The following CDH3 variants were observed in gnomAD, a reference collection of about 807,000 sequenced individuals.
CDH3 encodes cadherin-3.
In CDH3, 54 loss-of-function variants were observed where a neutral mutation model predicts 82.0. That is an observed-to-expected ratio of 0.66 (90% CI 0.53 to 0.83). The LOEUF is 0.83. Among genes scored for constraint, CDH3 ranks in the 40% least tolerant of loss-of-function variants. The pLI is 0.00. For missense variants in CDH3, 1,054 were observed against 1,084.6 expected (o/e 0.97, Z 0.40); for synonymous variants, 446 against 437.9 (o/e 1.02, Z -0.23).
chr16:68,720,284 G>T (rs1034177720), intron 1 of CDH3, among the ~76,000 whole-genome samples: 27 of 151,460 alleles, frequency 1.8e-4, no homozygotes, highest in Non-Finnish European at 7.4e-5. Context: ...AAAAGAGAAA[G>T]AAAGAGAGCG....
intron 2 of CDH3, among the ~76,000 whole-genome samples, chr16:68,653,965 C>T (rs1252392461): frequency 1.3e-5 from 2 of 151,984 alleles, no homozygotes; most frequent in South Asian, 2.1e-4. Context: ...GATCCACCCA[C>T]CTCGGCCTCC....
intron 2 of CDH3, among the ~76,000 whole-genome samples, chr16:68,667,614 A>G (rs1960771345): frequency 6.6e-6 from 1 of 152,168 alleles, no homozygotes. Flanking sequence ...CCAACCTAAA[A>G]GCAGGCCTGG....
At chr16:68,721,989 T>C (rs1465198172) in intron 1 of CDH3, among the ~76,000 whole-genome samples, 1 of 152,076 alleles carries the variant, frequency 6.6e-6, no homozygotes, top group African/African-American at 2.4e-5. Flanking sequence ...CTCAGGAGAC[T>C]GAGGCAGGAG....
At chr16:68,727,592 A>G (rs1229315642), downstream of CDH3, among the ~76,000 whole-genome samples, 2 of 152,050 alleles carry the variant, frequency 1.3e-5, no homozygotes, top group African/African-American at 4.8e-5. Context: ...CCTAGGCAAC[A>G]TAATGAGTCC....
At chr16:68,665,149 C>T (rs1466403519) in intron 2 of CDH3, among the ~76,000 whole-genome samples, 2 of 152,048 alleles carry the variant, frequency 1.3e-5, no homozygotes, top group Middle Eastern at 3.2e-3. Context: ...TGGCTCATGC[C>T]TGTAATCCCA....
At chr16:68,672,321 C>G (rs1960908796) in intron 2 of CDH3, among the ~76,000 whole-genome samples, 1 of 151,672 alleles carries the variant, frequency 6.6e-6, no homozygotes, top group Non-Finnish European at 1.5e-5. Flanking sequence ...AGTAGTTCTG[C>G]ATTCTTATTT....
intron 2 of CDH3, chr16:68,652,003 G>C (rs547364576): frequency 4.8e-6 from 1 of 207,728 alleles, no homozygotes; most frequent in East Asian, 1.5e-4. Flanking sequence ...GGTGACCAAC[G>C]GGCCCTAATT....
downstream of CDH3, among the ~76,000 whole-genome samples, chr16:68,701,909 C>T (rs930825133): frequency 8.0e-5 from 12 of 150,022 alleles, no homozygotes; most frequent in Admixed American, 2.7e-4. Flanking sequence ...CTGTAGTCCC[C>T]GCTACTTGGG....
chr16:68,725,069 T>C (rs1310682875), intron 2 of CDH3, among the ~76,000 whole-genome samples: 2 of 152,152 alleles, frequency 1.3e-5, no homozygotes, highest in Non-Finnish European at 2.9e-5. Context: ...TCCACAGTTA[T>C]GAACTGCAGC....
chr16:68,712,037 C>CTTTTTTTTTTTT (rs58452743), intron 1 of CDH3, among the ~76,000 whole-genome samples: 1 of 119,416 alleles, frequency 8.4e-6, no homozygotes, highest in Non-Finnish European at 1.7e-5. Flanking sequence ...TTTTTGTTTT[C>CTTTTTTTTTTTT]TTTTTTTTTT....
In CDH3 at chr16:68,675,523, G is replaced by A. The variant is rs564713568; in HGVS notation, c.161-862G>A. Among the ~76,000 whole-genome samples the A allele has an allele frequency of 1.8e-3, 270 of 152,284 alleles. 1 individual carries two copies. Among genetic ancestry groups the A allele is most frequent in the Non-Finnish European group, 2.9e-3 (195 of 68,018 alleles). On this transcript the variant is annotated intron_variant, in intron 2 of 15. Transcript: ENST00000264012. ...CTAATCTTTGGAAAGGCGGCTGGGC[G>A]CGGTGGCTCATGCCTGTAATCCCAG...
At chr16:68,701,452 C>T (rs1320144466), downstream of CDH3, among the ~76,000 whole-genome samples, 2 of 152,150 alleles carry the variant, frequency 1.3e-5, no homozygotes, top group Non-Finnish European at 2.9e-5. Context: ...GATGTGCTGG[C>T]CATGATGAGG....
chr16:68,718,523 T>C (rs959637816), intron 1 of CDH3, among the ~76,000 whole-genome samples: 8 of 151,416 alleles, frequency 5.3e-5, no homozygotes, highest in African/African-American at 1.7e-4. Context: ...CTACTAAAAA[T>C]ACAAAAAAAT....
At chr16:68,660,266 T>C (rs1173433607) in intron 2 of CDH3, among the ~76,000 whole-genome samples, 1 of 152,240 alleles carries the variant, frequency 6.6e-6, no homozygotes, top group Admixed American at 6.5e-5. Context: ...AAAATAGTTT[T>C]CATACTAACT....
intron 8 of CDH3, 55 bp downstream of exon 8, chr16:68,681,151 C>T (rs1961217794): frequency 6.2e-7 from 1 of 1,604,696 alleles, no homozygotes; most frequent in Non-Finnish European, 8.5e-7. Context: ...CCAAAGTTTG[C>T]CTTTCTCAGG....
At chr16:68,648,251 C>T (rs149671476) in intron 2 of CDH3, among the ~76,000 whole-genome samples, 4 of 152,256 alleles carry the variant, frequency 2.6e-5, no homozygotes, top group African/African-American at 7.2e-5. Flanking sequence ...ACAGACACAA[C>T]TTTTACCTCC....
chr16:68,668,520 C>T (rs920562726), intron 2 of CDH3, among the ~76,000 whole-genome samples: 17 of 152,204 alleles, frequency 1.1e-4, no homozygotes, highest in Non-Finnish European at 2.4e-4. Flanking sequence ...TGACTCATAG[C>T]TTGCAGAGAA....
In CDH3 at chr16:68,698,543, G is replaced by A. The variant is rs1432659660; in HGVS notation, c.*143G>A. 2.3e-5 allele frequency: 16 copies of A among 701,358 alleles called. 1 individual carries two copies. The highest frequency in any genetic ancestry group is 3.9e-4 in the Middle Eastern group (1 of 2,546). The allele number at this position is 701,358 out of a possible 1,614,324, so 43.4% of individuals were successfully genotyped here. On this transcript the variant is annotated 3_prime_UTR_variant, in exon 16 of 16. Coordinates refer to ENST00000264012, the MANE Select transcript of CDH3 (RefSeq NM_001793.6). Reference sequence around the variant, plus strand: ...GGCGGAGACAGGCTATGAGTCTGACGTTAGAGTGGTGGCTTCCTTAGCCTT... The same window carrying A: ...GGCGGAGACAGGCTATGAGTCTGACATTAGAGTGGTGGCTTCCTTAGCCTT...
Position 68,698,301 on chromosome 16 carries a change from C to T in CDH3, c.2391C>T (p.Ser797=). The T allele has an allele frequency of 6.2e-7, 1 of 1,614,272 alleles. No individual in the cohort carries two copies. ...SDAASLSSLT[S]SASDQDQDYD... ...CCGCGTCCCTGAGCTCCCTCACCTC[C>T]TCCGCCTCCGACCAAGACCAAGATT... is the stretch of plus-strand genomic sequence containing the variant. The change falls in exon 16 of 16, where the codon TCC becomes TCT. Residue 797 remains serine (S), a synonymous_variant. Coordinates refer to ENST00000264012, the MANE Select transcript of CDH3 (RefSeq NM_001793.6).
Sources: gnomAD v4.1 joint callset for allele counts (sites outside exome capture counted in the v4.1 genomes callset) on GRCh38, gnomAD v4.1.1 for gene constraint, MANE v1.5 for transcripts, NCBI Gene and HGNC (gene_info 2026-07-23, HGNC 2026-07-21) for gene names.